The following FAP variants were observed in gnomAD, a reference collection of about 807,000 sequenced individuals.
The protein encoded by FAP is fibroblast activation protein alpha, also known as prolyl endopeptidase FAP.
FAP carries 110 observed loss-of-function variants against 126.5 expected under a neutral mutation model. That is an observed-to-expected ratio of 0.87 (90% confidence interval 0.74 to 1.02). The LOEUF (loss-of-function observed/expected upper bound fraction) is 1.02, where lower values mean the gene tolerates loss of function less well. Ranked by LOEUF, FAP falls within the 50% of genes least tolerant of loss-of-function variation. FAP has a pLI of 0.00. For synonymous variants in FAP, 334 were observed against 297.3 expected (o/e 1.12, Z -1.27); for missense variants, 919 against 909.2 (o/e 1.01, Z -0.14).
At chr2:162,182,322 TC>T (rs1333195665) in intron 21 of FAP, among the ~76,000 whole-genome samples, 1 of 152,210 alleles carries the variant, frequency 6.6e-6, no homozygotes, top group African/African-American at 2.4e-5. Flanking sequence ...AAAATTAGAA[TC>T]TTTCAAGGAT....
chr2:162,183,366 A>G (rs1165834891), intron 21 of FAP, 48 bp downstream of exon 21: 3 of 1,334,460 alleles, frequency 2.2e-6, no homozygotes, highest in Non-Finnish European at 3.2e-6. Context: ...TCAGAAAATG[A>G]TGATTGCTGA....
chr2:162,226,784 G>T (rs1041168326), intron 2 of FAP, among the ~76,000 whole-genome samples, 163 bp from the exon 3 acceptor site: 5 of 152,114 alleles, frequency 3.3e-5, no homozygotes, highest in Non-Finnish European at 2.9e-5. Context: ...ATTAATAGTA[G>T]TATCTCCTTT....
intron 2 of FAP, among the ~76,000 whole-genome samples, chr2:162,242,265 C>G (rs1016773580): frequency 9.2e-5 from 14 of 152,114 alleles, no homozygotes; most frequent in African/African-American, 3.4e-4. Flanking sequence ...GATATCAGCC[C>G]ATAGTACCTT....
chr2:162,175,021 CAT>C, intron 21 of FAP, 55 bp from the exon 22 acceptor site: 3 of 1,288,606 alleles, frequency 2.3e-6, no homozygotes, highest in Non-Finnish European at 3.4e-6. Context: ...AGCTTTCCTC[CAT>C]ATGTTTATAG....
At chr2:162,223,513 A>G in intron 6 of FAP, 95 bp downstream of exon 6, 1 of 791,602 alleles carries the variant, frequency 1.3e-6, no homozygotes, top group Non-Finnish European at 2.2e-6. Context: ...AAGATCATTA[A>G]GAAGATAAAG....
intron 2 of FAP, among the ~76,000 whole-genome samples, chr2:162,232,342 G>A (rs752671428): frequency 3.9e-5 from 6 of 152,184 alleles, no homozygotes; most frequent in Non-Finnish European, 7.4e-5. Context: ...GAGCTAACTT[G>A]CCTAATACAT....
chr2:162,199,646 G>T (rs983998959), intron 15 of FAP, among the ~76,000 whole-genome samples: 1 of 151,084 alleles, frequency 6.6e-6, no homozygotes, highest in South Asian at 2.1e-4. Flanking sequence ...ACCCCATGGT[G>T]CCTGTCAGGG....
chr2:162,223,568 T>A, intron 6 of FAP, 40 bp downstream of exon 6: 2 of 1,184,222 alleles, frequency 1.7e-6, no homozygotes, highest in Non-Finnish European at 2.5e-6. Flanking sequence ...ACATTCTAGG[T>A]ATTAGATTTA....
chr2:162,216,700 A>C (rs1689172565), intron 9 of FAP, among the ~76,000 whole-genome samples: 1 of 152,190 alleles, frequency 6.6e-6, no homozygotes, highest in South Asian at 2.1e-4. Context: ...AGTTGTAATA[A>C]AATTTAAATT....
At chr2:162,226,405 G>T in intron 3 of FAP, 118 bp downstream of exon 3, 1 of 524,234 alleles carries the variant, frequency 1.9e-6, no homozygotes, top group Non-Finnish European at 3.3e-6. Flanking sequence ...TCAGATAATT[G>T]TTCTTTTTGT....
chr2:162,210,039 A>G (rs374190829), intron 11 of FAP, 43 bp from the exon 12 acceptor site: 1 of 1,563,130 alleles, frequency 6.4e-7, no homozygotes, highest in South Asian at 1.1e-5. Context: ...TTAGGAGAAC[A>G]TTTTTTTCCT....
intron 11 of FAP, among the ~76,000 whole-genome samples, chr2:162,212,437 A>T (rs746889207): frequency 1.3e-5 from 2 of 152,216 alleles, no homozygotes; most frequent in Admixed American, 6.5e-5. Flanking sequence ...ACTGTATTAA[A>T]GCCAAAATCA....
intron 14 of FAP, among the ~76,000 whole-genome samples, chr2:162,201,184 T>C (rs1425792524): frequency 1.3e-5 from 2 of 152,206 alleles, no homozygotes; most frequent in Admixed American, 1.3e-4. Flanking sequence ...GAAATTCAGT[T>C]TCATGACATG....
chr2:162,225,416 C>T, intron 4 of FAP, 67 bp downstream of exon 4: 13 of 1,549,612 alleles, frequency 8.4e-6, no homozygotes, highest in Non-Finnish European at 1.1e-5. Context: ...AGACTTTGAA[C>T]TCTGTTTCTT....
intron 1 of FAP, 112 bp from the exon 2 acceptor site, chr2:162,243,104 T>C (rs1690420715): frequency 1.1e-6 from 1 of 933,328 alleles, no homozygotes; most frequent in Non-Finnish European, 1.7e-6. Flanking sequence ...AAGCTTTTGA[T>C]TGTTTTCCAC....
At chr2:162,185,554 C>T (rs1396909710) in intron 20 of FAP, among the ~76,000 whole-genome samples, 1 of 152,160 alleles carries the variant, frequency 6.6e-6, no homozygotes, top group Non-Finnish European at 1.5e-5. Context: ...AACATCTCTT[C>T]TGACGCATTT....
chr2:162,189,006 G>A, intron 19 of FAP, 97 bp downstream of exon 19: 1 of 675,320 alleles, frequency 1.5e-6, no homozygotes. Flanking sequence ...AATAGGCACT[G>A]TTACCAAGGA....
At chr2:162,190,270 T>C (rs1687991742) in intron 17 of FAP, among the ~76,000 whole-genome samples, 1 of 152,102 alleles carries the variant, frequency 6.6e-6, no homozygotes. Context: ...CGCTTTCCTG[T>C]TGTACTTGAT....
chr2:162,196,117 C>G (rs1284246278), intron 16 of FAP, among the ~76,000 whole-genome samples: 2 of 152,144 alleles, frequency 1.3e-5, no homozygotes, highest in Non-Finnish European at 2.9e-5. Context: ...CCTGTCATAC[C>G]TATATTTGTG....
Sources: gnomAD v4.1 joint callset for allele counts (sites outside exome capture counted in the v4.1 genomes callset) on GRCh38, gnomAD v4.1.1 for gene constraint, MANE v1.5 for transcripts, NCBI Gene and HGNC (gene_info 2026-07-23, HGNC 2026-07-21) for gene names.